AGO1: variants seen among roughly 807,000 people sequenced by gnomAD.
AGO1 encodes the protein argonaute RISC component 1.
A neutral mutation model predicts 109.2 loss-of-function variants in AGO1; 11 were observed. That is an observed-to-expected ratio of 0.10 (90% CI 0.06 to 0.17). The LOEUF (loss-of-function observed/expected upper bound fraction) is 0.17, where lower values mean the gene tolerates loss of function less well. Ranked by LOEUF, AGO1 falls within the 10% of genes least tolerant of loss-of-function variation. AGO1 has a pLI of 1.00. For missense variants in AGO1, 574 were observed against 1,140.3 expected (o/e 0.50, Z 7.15); for synonymous variants, 422 against 418.6 (o/e 1.01, Z -0.10).
At chr1:35,898,449 G>A (rs1437277581) in intron 8 of AGO1, among the ~76,000 whole-genome samples, 1 of 152,004 alleles carries the variant, frequency 6.6e-6, no homozygotes, top group Non-Finnish European at 1.5e-5. Context: ...GTAGAGATGG[G>A]GTTTCACGGT....
chr1:35,894,214 G>T, intron 6 of AGO1, 43 bp downstream of exon 6: 1 of 1,575,348 alleles, frequency 6.3e-7, no homozygotes, highest in South Asian at 1.2e-5. Flanking sequence ...CGCCACTTTA[G>T]CCCTAAGAGG....
chr1:35,874,589 C>T (rs1644978650), intron 1 of AGO1, among the ~76,000 whole-genome samples: 1 of 152,152 alleles, frequency 6.6e-6, no homozygotes, highest in Non-Finnish European at 1.5e-5. Flanking sequence ...AATTAATAAC[C>T]CTGCAATGGC....
In AGO1 at chr1:35,919,339, G is replaced by T; in HGVS notation, c.2465+85G>T. 6.6e-7 allele frequency: 1 copy of T among 1,508,526 alleles called. No homozygotes were observed. The highest frequency in any genetic ancestry group is 1.2e-5 in the South Asian group (1 of 83,194). The allele number at this position is 1,508,526 out of a possible 1,614,324, so 93.4% of individuals were successfully genotyped here. On this transcript the variant is annotated intron_variant, in intron 18 of 18. Transcript: ENST00000373204. This position sits in a 1 kb window ranked among gnomAD's most constrained non-coding sequence, Gnocchi z 6.6. The stretch of plus-strand genomic sequence containing the variant: ...TAACTTTCCTTGGGTAGAAGGAAAT[G>T]AGTGCTGTCCAATTTGGTGTCATTG...
In AGO1 at chr1:35,901,103, C is replaced by T. The variant is rs1645408274; in HGVS notation, c.1021-371C>T. 1.3e-5 allele frequency among the ~76,000 whole-genome samples: 2 copies of T among 151,576 alleles called. No homozygotes were observed. Among genetic ancestry groups the T allele is most frequent in the African/African-American group, 2.4e-5 (1 of 41,258 alleles). On this transcript the variant is annotated intron_variant, in intron 8 of 18. Coordinates refer to ENST00000373204, the MANE Select transcript of AGO1 (RefSeq NM_012199.5). This position sits in a 1 kb window ranked among gnomAD's most constrained non-coding sequence, Gnocchi z 4.8. ...TCAAGCGATTCTTGTTCCTCAGCCTCCTGAGTAGCTGGGATTACAGGCGCA... is the reference window on the plus strand; with the variant it reads ...TCAAGCGATTCTTGTTCCTCAGCCTTCTGAGTAGCTGGGATTACAGGCGCA...
chr1:35,873,930 T>C (rs1644973320), intron 1 of AGO1, among the ~76,000 whole-genome samples: 1 of 152,200 alleles, frequency 6.6e-6, no homozygotes, highest in Non-Finnish European at 1.5e-5. Flanking sequence ...AAATTGAAGG[T>C]TTTTACCAAC....
Position 35,919,411 on chromosome 1 carries a change from T to G in AGO1, c.2466-88T>G, listed in dbSNP as rs911509901. The G allele has an allele frequency of 8.1e-6, 12 of 1,478,084 alleles. No homozygotes were observed. The African/African-American group carries it at 1.4e-4, about 17-fold the overall frequency. The allele number at this position is 1,478,084 out of a possible 1,614,324, so 91.6% of individuals were successfully genotyped here. On this transcript the variant is annotated intron_variant, in intron 18 of 18. Transcript: ENST00000373204. The surrounding 1 kb of genome is among the most constrained non-coding windows in gnomAD (Gnocchi z 6.6). ...GTTGGGTTTCTCTCTTAAGTTGGTA[T>G]GGGAATTGGCATCCCAGGGCTGGGC...
chr1:35,914,326 C>A, intron 14 of AGO1, 52 bp downstream of exon 14: 1 of 1,457,386 alleles, frequency 6.9e-7, no homozygotes, highest in Non-Finnish European at 9.6e-7. Flanking sequence ...CGCTCTGAGT[C>A]CTCAAAACTG....
Position 35,892,689 on chromosome 1 carries a change from A to T in AGO1, c.330+12A>T. 1 of 1,614,112 alleles carries T rather than the reference A, an allele frequency of 6.2e-7. No homozygotes were observed. Among genetic ancestry groups the T allele is most frequent in the African/African-American group, 1.3e-5 (1 of 75,060 alleles). Reference sequence around the variant, plus strand: ...TTGGCAACGAACGGGTAAGGTTGGGAGTCAGGCTAGGCCTGTGTCAGGGGT... The same window carrying T: ...TTGGCAACGAACGGGTAAGGTTGGGTGTCAGGCTAGGCCTGTGTCAGGGGT... On this transcript the variant is annotated intron_variant, in intron 3 of 18. Coordinates refer to ENST00000373204, the MANE Select transcript of AGO1 (RefSeq NM_012199.5).
intron 10 of AGO1, 48 bp downstream of exon 10, chr1:35,902,118 T>C: frequency 6.3e-7 from 1 of 1,583,752 alleles, no homozygotes; most frequent in Non-Finnish European, 8.6e-7. Flanking sequence ...ATGGGGGTGG[T>C]TGGGTTGTAT....
intron 8 of AGO1, among the ~76,000 whole-genome samples, chr1:35,896,371 CTT>C (rs997051245): frequency 7.3e-5 from 11 of 151,492 alleles, no homozygotes; most frequent in Admixed American, 5.9e-4. Context: ...AGACTACCCT[CTT>C]TTTCTTTTTT....
At position 35,888,642 on chromosome 1, in the gene AGO1, G is replaced by A; in HGVS notation, c.209+32G>A. The A allele has an allele frequency of 8.1e-6, 13 of 1,609,242 alleles. No individual in the cohort carries two copies. Among genetic ancestry groups the A allele is most frequent in the Non-Finnish European group, 1.0e-5 (12 of 1,176,474 alleles). The stretch of plus-strand genomic sequence containing the variant: ...GATGCACACCTAAGCCACCAAATCT[G>A]AAAGACACCAACCTTGAAAGAGGGG... On this transcript the variant is annotated intron_variant, in intron 2 of 18. Transcript: ENST00000373204. The surrounding 1 kb of genome is among the most constrained non-coding windows in gnomAD (Gnocchi z 4.1).
rs376952387 is a variant in AGO1, at chr1:35,883,371, C to G, written c.-51C>G. 4 of 1,583,866 alleles carry G rather than the reference C, an allele frequency of 2.5e-6. No individual in the cohort carries two copies. In the African/African-American group the frequency reaches 5.6e-5, roughly 22 times the overall value. ...GAGTGTGGGGTACCTAGGCCCCTCA[C>G]GCTGGACTTCACAGTCTCCGGGCCG... On this transcript the variant is annotated 5_prime_UTR_variant, in exon 1 of 19. Transcript: ENST00000373204. This position sits in a 1 kb window ranked among gnomAD's most constrained non-coding sequence, Gnocchi z 5.4.
chr1:35,911,179 A>G (rs1052351150), intron 12 of AGO1, among the ~76,000 whole-genome samples: 4 of 152,160 alleles, frequency 2.6e-5, no homozygotes, highest in Non-Finnish European at 1.5e-5. Context: ...TAAGTATACC[A>G]ATTTATCCTT....
At chr1:35,903,661 A>C (rs758486439) in intron 11 of AGO1, among the ~76,000 whole-genome samples, 4 of 151,022 alleles carry the variant, frequency 2.6e-5, no homozygotes, top group Admixed American at 6.6e-5. Context: ...TTTTCTGGGC[A>C]ATATAGATCC....
In AGO1 at chr1:35,913,310, C is replaced by T. The variant is rs779627594; in HGVS notation, c.1583-532C>T. 1.1e-4 allele frequency among the ~76,000 whole-genome samples: 16 copies of T among 152,136 alleles called. No homozygotes were observed. In the South Asian group the frequency reaches 1.9e-3, roughly 18 times the overall value. ...CTGGGATTACAGGCGTGAGCCACCG[C>T]GCCTGGCGTTCACCGGTCTTGTTAA... On this transcript the variant is annotated intron_variant, in intron 12 of 18. Transcript: ENST00000373204.
chr1:35,909,958 G>A (rs952110411), intron 12 of AGO1, among the ~76,000 whole-genome samples: 2 of 151,946 alleles, frequency 1.3e-5, no homozygotes, highest in African/African-American at 4.8e-5. Flanking sequence ...AGCATGCTTC[G>A]GAAAGGCAGT....
chr1:35,909,993 T>C (rs1645604415), intron 12 of AGO1, among the ~76,000 whole-genome samples: 3 of 152,150 alleles, frequency 2.0e-5, no homozygotes, highest in South Asian at 4.1e-4. Context: ...TTCCCTTTCC[T>C]GGGCTCAATT....
intron 12 of AGO1, among the ~76,000 whole-genome samples, chr1:35,910,100 C>G (rs1406529235): frequency 6.7e-6 from 1 of 148,248 alleles, no homozygotes; most frequent in Non-Finnish European, 1.5e-5. Context: ...GACAATCTGA[C>G]TGGTACTCTT....
chr1:35,915,536 A>T lies in AGO1; in HGVS notation c.2022A>T (p.Leu674=). The change falls in exon 15 of 19, where the codon CTA becomes CTT. Residue 674 remains leucine (L), a synonymous_variant. Transcript: ENST00000373204. The part of the protein sequence containing the change: ...FYRDGVPEGQ[L]PQILHYELLA... ...GAGATGGGGTGCCTGAAGGCCAGCT[A>T]CCCCAGGTAGGGCCCACAGTAGGTG... The T allele has an allele frequency of 6.2e-7, 1 of 1,613,794 alleles. No homozygotes were observed. Among genetic ancestry groups the T allele is most frequent in the Non-Finnish European group, 8.5e-7 (1 of 1,179,880 alleles).
Sources: gnomAD v4.1 joint callset for allele counts (sites outside exome capture counted in the v4.1 genomes callset) on GRCh38, gnomAD v4.1.1 for gene constraint, Gnocchi (gnomAD v3.1) non-coding constraint, MANE v1.5 for transcripts, NCBI Gene and HGNC (gene_info 2026-07-23, HGNC 2026-07-21) for gene names.